The following CLSTN2 variants were observed in gnomAD, a reference collection of about 807,000 sequenced individuals.
CLSTN2 encodes the protein calsyntenin-2.
In CLSTN2, 48 loss-of-function variants were observed where a neutral mutation model predicts 101.2. That is an observed-to-expected ratio of 0.47 (90% CI 0.38 to 0.60). The LOEUF (loss-of-function observed/expected upper bound fraction) is 0.60, where lower values mean the gene tolerates loss of function less well. Among genes scored for constraint, CLSTN2 ranks in the 20% least tolerant of loss-of-function variants. The pLI, the probability that CLSTN2 is intolerant of heterozygous loss-of-function variation, is 0.00. For missense variants in CLSTN2, 1,160 were observed against 1,238.2 expected, an observed-to-expected ratio of 0.94 and a Z score of 0.95; for synonymous variants, 481 against 463.6, an observed-to-expected ratio of 1.04 and a Z score of -0.48.
intron 1 of CLSTN2, among the ~76,000 whole-genome samples, chr3:140,125,023 T>C (rs754294212): frequency 3.3e-5 from 5 of 151,904 alleles, no homozygotes; most frequent in Non-Finnish European, 7.4e-5. Flanking sequence ...CTTGCAGCAG[T>C]TGAGTAAGAT....
At chr3:140,155,378 G>A (rs1181397276) in intron 1 of CLSTN2, among the ~76,000 whole-genome samples, 1 of 152,186 alleles carries the variant, frequency 6.6e-6, no homozygotes, top group Admixed American at 6.5e-5. Flanking sequence ...ACATCCTAGG[G>A]TATTGGCTTG....
chr3:140,359,361 A>G (rs959103868), intron 2 of CLSTN2, among the ~76,000 whole-genome samples: 3 of 152,198 alleles, frequency 2.0e-5, no homozygotes, highest in African/African-American at 7.2e-5. Flanking sequence ...AGCCATTTCT[A>G]TGCTTAACTA....
intron 5 of CLSTN2, among the ~76,000 whole-genome samples, chr3:140,434,421 C>A (rs767063499): frequency 2.0e-5 from 3 of 152,204 alleles, no homozygotes; most frequent in Non-Finnish European, 4.4e-5. Context: ...TGCACCCAAC[C>A]AGCCCCTGGG....
At chr3:140,056,301 T>C (rs572900866) in intron 1 of CLSTN2, among the ~76,000 whole-genome samples, 3 of 152,288 alleles carry the variant, frequency 2.0e-5, no homozygotes, top group East Asian at 1.9e-4. Context: ...ACTGGCTAGA[T>C]GAATGTCTGT....
intron 9 of CLSTN2, among the ~76,000 whole-genome samples, chr3:140,541,051 T>A (rs143370640): frequency 2.0e-5 from 3 of 152,204 alleles, no homozygotes; most frequent in Non-Finnish European, 2.9e-5. Flanking sequence ...GAGCCCACTA[T>A]AACTGAATAT....
intron 2 of CLSTN2, among the ~76,000 whole-genome samples, chr3:140,289,731 G>A (rs574392011): frequency 6.6e-5 from 10 of 152,192 alleles, no homozygotes; most frequent in Middle Eastern, 6.8e-3. Flanking sequence ...AGGGCTCAGA[G>A]TTCAGTAATT....
At chr3:140,138,067 G>T (rs2009641696) in intron 1 of CLSTN2, among the ~76,000 whole-genome samples, 1 of 152,162 alleles carries the variant, frequency 6.6e-6, no homozygotes, top group Non-Finnish European at 1.5e-5. Context: ...CTTTAGTAAG[G>T]AGTCTCCTTT....
intron 8 of CLSTN2, among the ~76,000 whole-genome samples, chr3:140,470,268 A>T (rs1933808591): frequency 6.6e-6 from 1 of 152,280 alleles, no homozygotes; most frequent in Non-Finnish European, 1.5e-5. Flanking sequence ...AGTTTCCATG[A>T]TAATGGGTCA....
At chr3:140,494,594 C>T (rs1934423759) in intron 8 of CLSTN2, among the ~76,000 whole-genome samples, 1 of 152,278 alleles carries the variant, frequency 6.6e-6, no homozygotes, top group African/African-American at 2.4e-5. Context: ...ATTAGATATT[C>T]TTCCTGATGC....
chr3:140,386,248 G>T (rs552839577), intron 2 of CLSTN2, among the ~76,000 whole-genome samples: 8 of 152,202 alleles, frequency 5.3e-5, no homozygotes, highest in Non-Finnish European at 1.2e-4. Flanking sequence ...AGGTCACAAA[G>T]ATAGAAATGC....
intron 1 of CLSTN2, among the ~76,000 whole-genome samples, chr3:140,168,558 G>A (rs2010167369): frequency 1.3e-5 from 2 of 151,482 alleles, no homozygotes; most frequent in African/African-American, 2.4e-5. Context: ...CTTTTTTTTG[G>A]AGCCTTCTAA....
At chr3:140,378,785 A>T (rs375659352) in intron 2 of CLSTN2, among the ~76,000 whole-genome samples, 1 of 152,160 alleles carries the variant, frequency 6.6e-6, no homozygotes, top group African/African-American at 2.4e-5. Flanking sequence ...GCTCCAATTT[A>T]CTTTTCTCTA....
chr3:140,063,367 G>A (rs1408720756), intron 1 of CLSTN2, among the ~76,000 whole-genome samples: 1 of 152,192 alleles, frequency 6.6e-6, no homozygotes, highest in Non-Finnish European at 1.5e-5. Context: ...GTCTGCTTTT[G>A]CAAGAGGTAG....
chr3:139,994,435 T>A (rs1936167425), intron 1 of CLSTN2, among the ~76,000 whole-genome samples: 1 of 152,202 alleles, frequency 6.6e-6, no homozygotes, highest in Admixed American at 6.5e-5. Flanking sequence ...AAATGATGCC[T>A]TACTTTAGAC....
rs185499965 is a variant in CLSTN2 at position 140,106,173 on chromosome 3, T to C, written c.110-69778T>C. ...CCAACCCTGAGCAGCATACCTTCCC[T>C]GAGTAACAGATTCCCTGAGTAACAG... On this transcript the variant is annotated intron_variant, in intron 1 of 16. Coordinates refer to ENST00000458420, the MANE Select transcript of CLSTN2 (RefSeq NM_022131.3). Among the ~76,000 whole-genome samples the C allele has an allele frequency of 2.3e-3, 352 of 152,306 alleles. 1 individual carries two copies. Among genetic ancestry groups the C allele is most frequent in the Non-Finnish European group, 4.2e-3 (284 of 68,020 alleles).
intron 1 of CLSTN2, among the ~76,000 whole-genome samples, chr3:140,133,083 G>C (rs2009546550): frequency 1.3e-5 from 2 of 152,186 alleles, no homozygotes; most frequent in Admixed American, 1.3e-4. Flanking sequence ...CATCTGTTCA[G>C]CTTCTGCAGA....
chr3:140,294,071 A>T (rs928874181), intron 2 of CLSTN2, among the ~76,000 whole-genome samples: 7 of 152,218 alleles, frequency 4.6e-5, no homozygotes, highest in African/African-American at 1.7e-4. Flanking sequence ...GGGATCTCTA[A>T]GATACCTTTT....
intron 2 of CLSTN2, among the ~76,000 whole-genome samples, chr3:140,188,836 C>T (rs2010518128): frequency 6.6e-6 from 1 of 152,102 alleles, no homozygotes; most frequent in South Asian, 2.1e-4. Context: ...GGTAAAATAT[C>T]ACAACCAAAA....
chr3:140,536,639 T>C (rs754901189), intron 9 of CLSTN2, among the ~76,000 whole-genome samples: 1 of 152,184 alleles, frequency 6.6e-6, no homozygotes, highest in South Asian at 2.1e-4. Flanking sequence ...TTTTAGGCCA[T>C]GGGAAGATTT....
Sources: allele counts gnomAD v4.1 joint callset (sites outside exome capture counted in the v4.1 genomes callset), GRCh38; gene constraint gnomAD v4.1.1; transcripts MANE v1.5; gene names NCBI Gene and HGNC (gene_info 2026-07-23, HGNC 2026-07-21).